TMEM260: variants seen among roughly 807,000 people sequenced by gnomAD.
TMEM260 encodes the protein transmembrane protein 260, also known as protein O-mannosyl-transferase TMEM260.
Under a neutral mutation model 88.9 loss-of-function variants are expected in TMEM260, and 82 were observed. That is an observed-to-expected ratio of 0.92 (90% CI 0.77 to 1.11). The LOEUF is 1.11. Ranked by LOEUF, TMEM260 falls within the 50% of genes least tolerant of loss-of-function variation. The probability of loss-of-function intolerance (pLI) is 0.00; values close to 1 mark genes in which losing one functional copy is unlikely to be tolerated. For missense variants in TMEM260, 902 were observed against 853.4 expected (o/e 1.06, Z -0.71); for synonymous variants, 314 against 309.3 (o/e 1.02, Z -0.16).
Position 56,633,147 on chromosome 14 carries a change from A to G in TMEM260, c.1700A>G (p.Tyr567Cys), listed in dbSNP as rs375456799. The change falls in exon 13 of 16, where the codon TAT (tyrosine) becomes TGT (cysteine). Residue 567 changes from tyrosine to cysteine, a missense_variant. Tyr to Cys is a radical substitution (Grantham distance 194, BLOSUM62 -2). Coordinates refer to ENST00000261556, the MANE Select transcript of TMEM260 (RefSeq NM_017799.4). ...EEWIKLTKSI[Y>C]NWTEEYGRFD... ...TGGATTAAACTTACAAAAAGTATCT[A>G]TAACTGGACCGAAGAATATGGAAGG... 22 of 1,612,720 alleles carry G rather than the reference A, an allele frequency of 1.4e-5. No individual in the cohort carries two copies. Among genetic ancestry groups the G allele is most frequent in the East Asian group, 2.2e-5 (1 of 44,852 alleles).
intron 3 of TMEM260, among the ~76,000 whole-genome samples, chr14:56,595,766 G>A (rs1471474155): frequency 2.0e-5 from 3 of 151,952 alleles, no homozygotes; most frequent in African/African-American, 7.3e-5. Flanking sequence ...GGATTACAGG[G>A]ATGAGCCACC....
At chr14:56,644,463 G>A (rs1889817706) in intron 15 of TMEM260, among the ~76,000 whole-genome samples, 1 of 152,168 alleles carries the variant, frequency 6.6e-6, no homozygotes, top group Non-Finnish European at 1.5e-5. Context: ...GTAGAAAGCT[G>A]AAACTGGATC....
chr14:56,580,191 A>AC, intron 1 of TMEM260, 117 bp downstream of exon 1: 1 of 803,042 alleles, frequency 1.2e-6, no homozygotes, highest in Non-Finnish European at 1.7e-6. Flanking sequence ...GCCTCCATCC[A>AC]CCCCCCTGTG....
chr14:56,621,866 CT>C (rs1013230688), intron 11 of TMEM260, among the ~76,000 whole-genome samples, 164 bp downstream of exon 11: 86 of 152,050 alleles, frequency 5.7e-4, no homozygotes, highest in East Asian at 4.4e-3. Context: ...TATGGGCATA[CT>C]TTTTTTTATT....
intron 14 of TMEM260, 35 bp from the exon 15 acceptor site, chr14:56,636,473 A>T: frequency 5.1e-6 from 8 of 1,560,112 alleles, no homozygotes; most frequent in Non-Finnish European, 7.1e-6. Flanking sequence ...AATTGACTGT[A>T]TGATTTTAAT....
At chr14:56,620,324 T>A (rs1010193391) in intron 10 of TMEM260, among the ~76,000 whole-genome samples, 28 of 152,200 alleles carry the variant, frequency 1.8e-4, no homozygotes, top group African/African-American at 6.5e-4. Context: ...CATTGTTCTT[T>A]ATAATACTGG....
Position 56,579,802 on chromosome 14 carries a change from C to G in TMEM260, c.-113C>G. On this transcript the variant is annotated 5_prime_UTR_variant, in exon 1 of 16. Transcript: ENST00000261556. ...CGGTCCAACCCGCGGAGGCTCGACC[C>G]GGAAGCCGCCGTGGCCGCCGCACAA... 9.2e-7 allele frequency: 1 copy of G among 1,090,318 alleles called. No homozygotes were observed. Among genetic ancestry groups the G allele is most frequent in the Non-Finnish European group, 1.2e-6 (1 of 859,932 alleles). The allele number at this position is 1,090,318 out of a possible 1,614,324, so 67.5% of individuals were successfully genotyped here.
the TMEM260 span, among the ~76,000 whole-genome samples, chr14:56,661,828 G>T: frequency 1.8e-4 from 27 of 152,298 alleles, no homozygotes; most frequent in South Asian, 5.0e-3. Context: ...TTTACAAATG[G>T]CCTTCTCCCG....
chr14:56,662,606 T>C, the TMEM260 span, among the ~76,000 whole-genome samples: 1 of 152,158 alleles, frequency 6.6e-6, no homozygotes, highest in Non-Finnish European at 1.5e-5. Context: ...ACACTGCCTT[T>C]CAACACACAC....
chr14:56,592,026 C>G (rs564857627), intron 3 of TMEM260, among the ~76,000 whole-genome samples: 1 of 152,152 alleles, frequency 6.6e-6, no homozygotes, highest in East Asian at 1.9e-4. Flanking sequence ...ATTTTTTACT[C>G]TAATTTTATG....
chr14:56,601,358 A>G (rs1444812040), intron 3 of TMEM260, among the ~76,000 whole-genome samples: 1 of 152,158 alleles, frequency 6.6e-6, no homozygotes, highest in East Asian at 1.9e-4. Context: ...ACATTTCTGC[A>G]GGAATGTTAT....
At chr14:56,588,383 C>G (rs1939618760) in intron 3 of TMEM260, among the ~76,000 whole-genome samples, 1 of 151,918 alleles carries the variant, frequency 6.6e-6, no homozygotes, top group South Asian at 2.1e-4. Context: ...GATTTTATTT[C>G]AAAAGCAAAT....
intron 14 of TMEM260, among the ~76,000 whole-genome samples, chr14:56,635,858 T>TAC (rs1467708619): frequency 6.0e-5 from 9 of 151,076 alleles, no homozygotes; most frequent in Non-Finnish European, 7.4e-5. Context: ...TATATATATA[T>TAC]ACTATAGTTT....
chr14:56,615,998 A>T lies in TMEM260; in HGVS notation c.912A>T (p.Ala304=), dbSNP rs772523977. 1 of 1,613,026 alleles carries T rather than the reference A, an allele frequency of 6.2e-7. No individual in the cohort carries two copies. The highest frequency in any genetic ancestry group is 1.7e-5 in the Admixed American group (1 of 60,010). The stretch of plus-strand genomic sequence containing the variant: ...TCTCATTCAACATCCAAGCCCTTGC[A>T]GTTTGTGCAAATATATGTTTAGCAA... ...TELSFNIQAL[A]VCANICLATK... is the part of the protein sequence containing the mutation. Residue 304 remains alanine, a synonymous_variant, in exon 8 of 16, where the codon GCA becomes GCT. Coordinates refer to ENST00000261556, the MANE Select transcript of TMEM260 (RefSeq NM_017799.4).
At position 56,612,230 on chromosome 14, in the gene TMEM260, G is replaced by A; in HGVS notation, c.817-15G>A. ...TTAATGCTTGTGCAGATAAACTTTT[G>A]TCTTTTGTGTTTAGGCCAAATCTGA... On this transcript the variant is annotated splice_polypyrimidine_tract_variant and intron_variant, in intron 6 of 15. Transcript: ENST00000261556. The A allele has an allele frequency of 1.2e-6, 2 of 1,610,732 alleles. No homozygotes were observed. Among genetic ancestry groups the A allele is most frequent in the African/African-American group, 1.3e-5 (1 of 74,962 alleles).
chr14:56,609,564 C>G (rs1252116534), intron 6 of TMEM260, among the ~76,000 whole-genome samples: 8 of 152,170 alleles, frequency 5.3e-5, no homozygotes, highest in Admixed American at 4.6e-4. Flanking sequence ...ACATTTCAGT[C>G]TTGTTAGCAG....
At chr14:56,585,991 A>G in intron 3 of TMEM260, 79 bp downstream of exon 3, 1 of 1,447,922 alleles carries the variant, frequency 6.9e-7, no homozygotes, top group East Asian at 2.3e-5. Flanking sequence ...CATACATTAA[A>G]AAAATCTTTT....
At chr14:56,625,868 C>G (rs556533482) in intron 12 of TMEM260, among the ~76,000 whole-genome samples, 8 of 152,188 alleles carry the variant, frequency 5.3e-5, no homozygotes, top group Admixed American at 3.9e-4. Context: ...ACACTATGGC[C>G]CCCCTTTTAA....
chr14:56,628,617 T>C (rs1262546811), intron 12 of TMEM260, among the ~76,000 whole-genome samples: 1 of 152,168 alleles, frequency 6.6e-6, no homozygotes, highest in Non-Finnish European at 1.5e-5. Context: ...CTTTTCGCTG[T>C]CTATACAAAT....
Sources: allele counts gnomAD v4.1 joint callset (sites outside exome capture counted in the v4.1 genomes callset), GRCh38; gene constraint gnomAD v4.1.1; transcripts MANE v1.5; gene names NCBI Gene and HGNC (gene_info 2026-07-23, HGNC 2026-07-21).